The following TSKU variants were observed in gnomAD, a reference collection of about 807,000 sequenced individuals.
The protein encoded by TSKU is tsukushi.
Under a neutral mutation model 11.2 loss-of-function variants are expected in TSKU, and 4 were observed. The ratio of observed to expected loss-of-function variants is 0.36; its 90% CI spans 0.18 to 0.82. The LOEUF (loss-of-function observed/expected upper bound fraction) is 0.82, where lower values mean the gene tolerates loss of function less well. Ranked by LOEUF, TSKU falls within the 40% of genes least tolerant of loss-of-function variation. The pLI is 0.50. For synonymous variants in TSKU, 220 were observed against 232.2 expected, an observed-to-expected ratio of 0.95 and a Z score of 0.48; for missense variants, 407 against 482.5, an observed-to-expected ratio of 0.84 and a Z score of 1.47.
In TSKU at chr11:76,795,822, G is replaced by A. The variant is rs568235311; in HGVS notation, c.206G>A (p.Arg69Gln). Residue 69 changes from arginine (R) to glutamine (Q), a missense_variant, in exon 2 of 2, where the codon CGG becomes CAG. Coordinates refer to ENST00000333090, the MANE Select transcript of TSKU (RefSeq NM_015516.4). ...GCCCACTTGGACCTGTCCTCCAACC[G>A]GCTGGAGATGGTGAATGAGTCGGTG... The part of the protein sequence containing the change: ...DTAHLDLSSN[R>Q]LEMVNESVLA... 20 of 1,614,080 alleles carry A rather than the reference G, an allele frequency of 1.2e-5. No homozygotes were observed. The highest frequency in any genetic ancestry group is 8.8e-5 in the South Asian group (8 of 91,082).
Position 76,796,600 on chromosome 11 carries a change from G to A in TSKU, c.984G>A (p.Arg328=). Residue 328 remains arginine (R), a synonymous_variant, in exon 2 of 2, where the codon AGG becomes AGA. Coordinates refer to ENST00000333090, the MANE Select transcript of TSKU (RefSeq NM_015516.4). This position sits in a 1 kb window ranked among gnomAD's most constrained non-coding sequence, Gnocchi z 4.1. ...RLVREGTYPR[R]PGSSPKVALH... is the part of the protein sequence containing the mutation. ...TGCGGGAGGGCACCTACCCCCGGAG[G>A]CCTGGCTCCAGCCCCAAGGTGGCCC... 6.6e-7 allele frequency: 1 copy of A among 1,513,114 alleles called. No individual in the cohort carries two copies. The highest frequency in any genetic ancestry group is 1.3e-5 in the South Asian group (1 of 77,260). 93.7% of individuals were successfully genotyped at this position (1,513,114 alleles called of 1,614,324 possible). A position where few individuals can be genotyped will look rare whatever the true frequency, so the allele number is the denominator to read the frequency against.
intron 1 of TSKU, among the ~76,000 whole-genome samples, chr11:76,787,312 G>A (rs1285118790): frequency 6.6e-6 from 1 of 152,158 alleles, no homozygotes; most frequent in Non-Finnish European, 1.5e-5. Context: ...CATATTGAAA[G>A]GAGAAAATCT....
upstream of TSKU, chr11:76,783,255 G>C (rs1469478106): frequency 1.1e-4 from 17 of 150,268 alleles, no homozygotes; most frequent in African/African-American, 4.1e-4. Context: ...GCCGGCCCGA[G>C]CCGCCACCCG....
intron 1 of TSKU, among the ~76,000 whole-genome samples, chr11:76,784,747 G>T (rs892425284): frequency 6.1e-5 from 5 of 82,268 alleles, no homozygotes; most frequent in South Asian, 4.3e-4. Flanking sequence ...GACCGGAGGT[G>T]GGGGGGGGGG....
chr11:76,784,835 T>C (rs1149611), intron 1 of TSKU, among the ~76,000 whole-genome samples: 81,475 of 150,904 alleles, frequency 0.54, 23,898 homozygotes, highest in African/African-American at 0.78. Flanking sequence ...TCCTCCCCAC[T>C]GCTCACTCCA....
chr11:76,794,464 G>C (rs1164339736), intron 1 of TSKU, among the ~76,000 whole-genome samples: 1 of 152,226 alleles, frequency 6.6e-6, no homozygotes. Flanking sequence ...CAGCTACTCT[G>C]CCAGTCCTGC....
chr11:76,790,663 C>G (rs945520866), intron 1 of TSKU, among the ~76,000 whole-genome samples: 1 of 152,120 alleles, frequency 6.6e-6, no homozygotes, highest in Non-Finnish European at 1.5e-5. Context: ...GTAAGAAGTG[C>G]GTTTTGCCCT....
At chr11:76,793,917 T>C (rs891031457) in intron 1 of TSKU, among the ~76,000 whole-genome samples, 6 of 152,144 alleles carry the variant, frequency 3.9e-5, no homozygotes, top group African/African-American at 7.2e-5. Flanking sequence ...TAAAGTTTCA[T>C]GCAGGGCTGG....
In TSKU at chr11:76,797,049, T is replaced by C. The variant is rs970682759; in HGVS notation, c.*371T>C. Reference sequence around the variant, plus strand: ...CCCCTGCTGCAGGGCAGAGTTCAGGTCCACTGGGCTGAGTGTCCCCTTGGG... The same window carrying C: ...CCCCTGCTGCAGGGCAGAGTTCAGGCCCACTGGGCTGAGTGTCCCCTTGGG... On this transcript the variant is annotated 3_prime_UTR_variant, in exon 2 of 2. Coordinates refer to ENST00000333090, the MANE Select transcript of TSKU (RefSeq NM_015516.4). 2.5e-5 allele frequency: 5 copies of C among 196,102 alleles called. No homozygotes were observed. Among genetic ancestry groups the C allele is most frequent in the African/African-American group, 9.4e-5 (4 of 42,606 alleles). The allele number at this position is 196,102 out of a possible 1,614,324, so 12.1% of individuals were successfully genotyped here.
At chr11:76,792,880 A>G (rs576944895) in intron 1 of TSKU, 1 of 152,558 alleles carries the variant, frequency 6.6e-6, no homozygotes, top group Non-Finnish European at 1.5e-5. Flanking sequence ...CAGTGTAGCA[A>G]GTCACTCCTG....
intron 1 of TSKU, among the ~76,000 whole-genome samples, chr11:76,793,478 G>A (rs1944400856): frequency 6.6e-6 from 1 of 152,228 alleles, no homozygotes; most frequent in South Asian, 2.1e-4. Context: ...GAGCTCATAT[G>A]AGGCCATTTG....
In TSKU at chr11:76,795,832, G is replaced by A. The variant is rs1944434020; in HGVS notation, c.216G>A (p.Met72Ile). The change falls in exon 2 of 2, where the codon ATG becomes ATA. Residue 72 changes from methionine to isoleucine, a missense_variant. Coordinates refer to ENST00000333090, the MANE Select transcript of TSKU (RefSeq NM_015516.4). ...HLDLSSNRLEMVNESVLAGPG... is the reference protein window; with the variant it reads ...HLDLSSNRLEIVNESVLAGPG... ...ACCTGTCCTCCAACCGGCTGGAGAT[G>A]GTGAATGAGTCGGTGTTGGCGGGGC... 6.2e-7 allele frequency: 1 copy of A among 1,614,062 alleles called. No individual in the cohort carries two copies.
At chr11:76,784,917 A>G (rs1944296494) in intron 1 of TSKU, among the ~76,000 whole-genome samples, 1 of 152,230 alleles carries the variant, frequency 6.6e-6, no homozygotes, top group Admixed American at 6.5e-5. Context: ...CTGGGAAAGA[A>G]ACAACTGTGG....
intron 1 of TSKU, among the ~76,000 whole-genome samples, chr11:76,786,740 C>T (rs2134386964): frequency 6.6e-6 from 1 of 152,260 alleles, no homozygotes; most frequent in South Asian, 2.1e-4. Context: ...TGATGCTGAG[C>T]CCTCATTCTG....
chr11:76,787,014 A>C (rs1012039177), intron 1 of TSKU, among the ~76,000 whole-genome samples: 12 of 152,114 alleles, frequency 7.9e-5, no homozygotes, highest in Admixed American at 7.9e-4. Context: ...ACAGGAACCA[A>C]CATTCAGTGA....
chr11:76,784,746 T>TGGGG, intron 1 of TSKU, among the ~76,000 whole-genome samples: 2 of 41,812 alleles, frequency 4.8e-5, no homozygotes, highest in African/African-American at 3.1e-4. Context: ...TGACCGGAGG[T>TGGGG]GGGGGGGGGG....
intron 1 of TSKU, among the ~76,000 whole-genome samples, chr11:76,789,479 C>T (rs1049721908): frequency 6.6e-6 from 1 of 152,148 alleles, no homozygotes; most frequent in Non-Finnish European, 1.5e-5. Flanking sequence ...CTGTTGGGGC[C>T]GTACCATTTA....
intron 1 of TSKU, among the ~76,000 whole-genome samples, chr11:76,787,867 C>G (rs571997506): frequency 4.6e-5 from 7 of 152,288 alleles, no homozygotes; most frequent in African/African-American, 1.7e-4. Flanking sequence ...CCTCTCCTTC[C>G]CAGCTGAGTA....
intron 1 of TSKU, among the ~76,000 whole-genome samples, chr11:76,790,554 A>G (rs917088498): frequency 2.0e-5 from 3 of 152,116 alleles, no homozygotes; most frequent in Admixed American, 6.5e-5. Context: ...CTTGAATTGT[A>G]TCTCCCAGAA....
Sources: gnomAD v4.1 joint callset for allele counts (sites outside exome capture counted in the v4.1 genomes callset) on GRCh38, gnomAD v4.1.1 for gene constraint, Gnocchi (gnomAD v3.1) non-coding constraint, MANE v1.5 for transcripts, NCBI Gene and HGNC (gene_info 2026-07-23, HGNC 2026-07-21) for gene names.